The following CADPS2 variants were observed in gnomAD, a reference collection of about 807,000 sequenced individuals.
CADPS2 encodes the protein calcium-dependent secretion activator 2.
CADPS2 carries 93 observed loss-of-function variants against 172.5 expected under a neutral mutation model. The ratio of observed to expected loss-of-function variants is 0.54; its 90% CI spans 0.46 to 0.64. CADPS2 has a LOEUF of 0.64. CADPS2 is among the 30% of genes least tolerant of loss of function. The pLI is 0.00. For synonymous variants in CADPS2, 546 were observed against 555.2 expected, an observed-to-expected ratio of 0.98 and a Z score of 0.23; for missense variants, 1,420 against 1,565.9, an observed-to-expected ratio of 0.91 and a Z score of 1.57.
intron 8 of CADPS2, among the ~76,000 whole-genome samples, chr7:122,524,122 C>T (rs1283804407): frequency 2.0e-5 from 3 of 152,110 alleles, no homozygotes; most frequent in South Asian, 2.1e-4. Context: ...TCCCTGAAAA[C>T]GTAAATAGTT....
At chr7:122,659,328 A>AAAAAC (rs2080241950) in intron 3 of CADPS2, among the ~76,000 whole-genome samples, 1 of 148,994 alleles carries the variant, frequency 6.7e-6, no homozygotes, top group Non-Finnish European at 1.5e-5. Flanking sequence ...AAAAAAAAAC[A>AAAAAC]CCGTGGAAAA....
At chr7:122,629,054 G>A (rs190058612) in intron 4 of CADPS2, among the ~76,000 whole-genome samples, 194 bp downstream of exon 4, 18 of 151,992 alleles carry the variant, frequency 1.2e-4, no homozygotes, top group Admixed American at 2.0e-4. Flanking sequence ...GGATGAGTAC[G>A]TAAAATGAAT....
chr7:122,668,791 G>T (rs576191293), intron 2 of CADPS2, among the ~76,000 whole-genome samples: 1 of 152,298 alleles, frequency 6.6e-6, no homozygotes, highest in East Asian at 1.9e-4. Flanking sequence ...AGATTTACTG[G>T]AGTGGTGAAG....
At position 122,557,313 on chromosome 7, in the gene CADPS2, C is replaced by T. The variant is rs541949503; in HGVS notation, c.1336-2624G>A. 3.9e-5 allele frequency among the ~76,000 whole-genome samples: 6 copies of T among 152,278 alleles called. No individual in the cohort carries two copies. The East Asian group carries it at 1.2e-3, about 30-fold the overall frequency. ...CCAGAGGGCCATGGAGAATAAAGGA[C>T]AAGGGAGTTCTTTTCAGAACACACA... On this transcript the variant is annotated intron_variant, in intron 7 of 29. Transcript: ENST00000449022.
At chr7:122,514,841 T>C (rs1413520351) in intron 8 of CADPS2, among the ~76,000 whole-genome samples, 5 of 152,056 alleles carry the variant, frequency 3.3e-5, no homozygotes, top group Non-Finnish European at 5.9e-5. Flanking sequence ...ATAGAAAGTA[T>C]CACATTGTGT....
At chr7:122,880,389 C>G (rs1334423174) in intron 1 of CADPS2, among the ~76,000 whole-genome samples, 1 of 152,182 alleles carries the variant, frequency 6.6e-6, no homozygotes, top group African/African-American at 2.4e-5. Context: ...TATGCACTAG[C>G]CTCTCCACTG....
At chr7:122,714,235 C>T (rs544478800) in intron 2 of CADPS2, among the ~76,000 whole-genome samples, 1 of 152,058 alleles carries the variant, frequency 6.6e-6, no homozygotes, top group African/African-American at 2.4e-5. Flanking sequence ...GAAAAGTAAA[C>T]GATATTCCAT....
At chr7:122,514,079 C>A (rs899448510) in intron 8 of CADPS2, among the ~76,000 whole-genome samples, 1 of 151,920 alleles carries the variant, frequency 6.6e-6, no homozygotes, top group Non-Finnish European at 1.5e-5. Flanking sequence ...ACTGAAATAT[C>A]AGGGAGGAAA....
At chr7:122,546,118 G>A (rs950570159) in intron 8 of CADPS2, among the ~76,000 whole-genome samples, 2 of 152,116 alleles carry the variant, frequency 1.3e-5, no homozygotes, top group African/African-American at 2.4e-5. Context: ...CCTTTCCTCT[G>A]TTCATGTCAT....
At chr7:122,481,780 G>A (rs1339823219) in intron 11 of CADPS2, among the ~76,000 whole-genome samples, 1 of 152,126 alleles carries the variant, frequency 6.6e-6, no homozygotes, top group Non-Finnish European at 1.5e-5. Flanking sequence ...GCAGGCCAAG[G>A]CTGGCAGATC....
intron 6 of CADPS2, among the ~76,000 whole-genome samples, chr7:122,590,697 T>G (rs2070655403): frequency 2.0e-5 from 3 of 151,802 alleles, no homozygotes; most frequent in Non-Finnish European, 4.4e-5. Flanking sequence ...CCTAACAGAT[T>G]GATTCATAAA....
intron 17 of CADPS2, among the ~76,000 whole-genome samples, chr7:122,418,362 C>T (rs908463299): frequency 1.3e-5 from 2 of 152,084 alleles, no homozygotes; most frequent in African/African-American, 4.8e-5. Flanking sequence ...GACTTGAACA[C>T]GTGGGCTCTT....
chr7:122,725,485 G>C (rs1456894500), intron 2 of CADPS2, among the ~76,000 whole-genome samples: 2 of 151,668 alleles, frequency 1.3e-5, no homozygotes, highest in African/African-American at 4.8e-5. Context: ...TGGGCTTTTA[G>C]TGTACCCATC....
At chr7:122,745,447 T>C (rs184762904) in intron 1 of CADPS2, among the ~76,000 whole-genome samples, 5 of 151,992 alleles carry the variant, frequency 3.3e-5, no homozygotes, top group African/African-American at 7.2e-5. Flanking sequence ...CCGATTACCA[T>C]ATTATTCCGT....
At chr7:122,798,586 A>G (rs538125630) in intron 1 of CADPS2, among the ~76,000 whole-genome samples, 1 of 152,272 alleles carries the variant, frequency 6.6e-6, no homozygotes, top group South Asian at 2.1e-4. Context: ...TATTACAGGG[A>G]AATCTTTCTG....
chr7:122,345,658 G>A lies in CADPS2; in HGVS notation c.3528C>T (p.Asp1176=). 6.2e-7 allele frequency: 1 copy of A among 1,612,298 alleles called. No individual in the cohort carries two copies. The highest frequency in any genetic ancestry group is 1.1e-5 in the South Asian group (1 of 90,916). Residue 1176 remains aspartate (D), a synonymous_variant, in exon 28 of 30, where the codon GAC becomes GAT. Transcript: ENST00000449022. ...TTTGCCGAACAAACATAATATAGGT[G>A]TCTGCCAGATCCATTCCTGGTTTCT... ...DVPKPGMDLA[D]TYIMFVRQNQ...
At chr7:122,831,885 G>A (rs73718023) in intron 1 of CADPS2, among the ~76,000 whole-genome samples, 2,467 of 152,188 alleles carry the variant, frequency 0.016, 64 homozygotes, top group African/African-American at 0.056. Context: ...CTTTAAAAAG[G>A]GAAGCACCAA....
chr7:122,508,217 G>A (rs1177284425), intron 9 of CADPS2, among the ~76,000 whole-genome samples: 1 of 151,754 alleles, frequency 6.6e-6, no homozygotes, highest in Non-Finnish European at 1.5e-5. Context: ...AACTTTTGTG[G>A]ATTTTTAGCC....
intron 1 of CADPS2, among the ~76,000 whole-genome samples, chr7:122,761,328 T>A (rs911623688): frequency 6.6e-6 from 1 of 152,184 alleles, no homozygotes; most frequent in Admixed American, 6.5e-5. Flanking sequence ...AATACTCATC[T>A]CTGAGGAATC....
Sources: gnomAD v4.1 joint callset for allele counts (sites outside exome capture counted in the v4.1 genomes callset) on GRCh38, gnomAD v4.1.1 for gene constraint, MANE v1.5 for transcripts, NCBI Gene and HGNC (gene_info 2026-07-23, HGNC 2026-07-21) for gene names.